The following MRPL3 variants were observed in gnomAD, a reference collection of about 807,000 sequenced individuals.
MRPL3 encodes the protein large ribosomal subunit protein uL3m.
A neutral mutation model predicts 44.3 loss-of-function variants in MRPL3; 43 were observed. That is an observed-to-expected ratio of 0.97 (90% CI 0.76 to 1.25). The LOEUF (loss-of-function observed/expected upper bound fraction) is 1.25, where lower values mean the gene tolerates loss of function less well. Ranked by LOEUF, MRPL3 falls within the 50% of genes most tolerant of loss-of-function variation. The pLI is 0.00. For synonymous variants in MRPL3, 171 were observed against 152.3 expected (o/e 1.12, Z -0.91); for missense variants, 406 against 427.6 (o/e 0.95, Z 0.45).
intron 4 of MRPL3, among the ~76,000 whole-genome samples, chr3:131,490,860 G>GCACCT (rs1934240289): frequency 1.3e-5 from 2 of 152,232 alleles, no homozygotes; most frequent in South Asian, 2.1e-4. Context: ...TAATTTTCAA[G>GCACCT]CACCTCACAT....
intron 4 of MRPL3, among the ~76,000 whole-genome samples, chr3:131,494,614 A>G (rs998252538): frequency 1.3e-5 from 2 of 152,192 alleles, no homozygotes; most frequent in Non-Finnish European, 2.9e-5. Context: ...CATCCTAAGT[A>G]ACTTTTTAGA....
chr3:131,486,062 C>T (rs936827379), intron 6 of MRPL3, among the ~76,000 whole-genome samples: 1 of 152,038 alleles, frequency 6.6e-6, no homozygotes, highest in African/African-American at 2.4e-5. Context: ...ACAAACTTGA[C>T]AACAACAAGA....
intron 4 of MRPL3, among the ~76,000 whole-genome samples, chr3:131,493,424 C>A (rs1287503410): frequency 6.6e-6 from 1 of 152,196 alleles, no homozygotes; most frequent in African/African-American, 2.4e-5. Context: ...CTGTCCATAT[C>A]ACCATACACT....
In MRPL3 at chr3:131,502,966, C is replaced by T. The variant is rs1245198022; in HGVS notation, c.-145G>A. ...GCCGGAACGGTCGCCGGCCGATGCT[C>T]TCTGCGACGGAAAGAAAGCCGCCGG... is the stretch of plus-strand genomic sequence containing the variant. On this transcript the variant is annotated 5_prime_UTR_variant, in exon 1 of 10. Coordinates refer to ENST00000264995, the MANE Select transcript of MRPL3 (RefSeq NM_007208.4). The T allele has an allele frequency of 3.9e-6, 3 of 771,138 alleles. No homozygotes were observed. In the East Asian group the frequency reaches 8.2e-5, roughly 21 times the overall value. The allele number at this position is 771,138 out of a possible 1,614,324, so 47.8% of individuals were successfully genotyped here.
At chr3:131,497,353 T>C (rs543541680) in intron 4 of MRPL3, among the ~76,000 whole-genome samples, 14 of 152,326 alleles carry the variant, frequency 9.2e-5, no homozygotes, top group African/African-American at 3.4e-4. Context: ...TAATAAATGT[T>C]CAATAAAAGT....
intron 8 of MRPL3, among the ~76,000 whole-genome samples, chr3:131,469,243 C>T (rs1401873893): frequency 1.3e-5 from 2 of 150,908 alleles, no homozygotes; most frequent in Non-Finnish European, 3.0e-5. Flanking sequence ...CGCACACACA[C>T]ACACACACAT....
chr3:131,469,008 A>C (rs958837073), intron 8 of MRPL3, among the ~76,000 whole-genome samples: 3 of 152,048 alleles, frequency 2.0e-5, no homozygotes, highest in African/African-American at 7.2e-5. Flanking sequence ...ACAAATATAA[A>C]CATTAGTTGT....
chr3:131,500,369 G>A, intron 3 of MRPL3, 61 bp downstream of exon 3: 1 of 1,351,380 alleles, frequency 7.4e-7, no homozygotes, highest in South Asian at 1.2e-5. Context: ...TCTTGTTAAG[G>A]TTTGCACAAA....
intron 4 of MRPL3, among the ~76,000 whole-genome samples, chr3:131,497,001 C>G (rs987339138): frequency 6.6e-6 from 1 of 152,330 alleles, no homozygotes; most frequent in Non-Finnish European, 1.5e-5. Flanking sequence ...CTGCAGAGGC[C>G]ATTCTCTCTG....
At chr3:131,482,408 G>A (rs946654096) in intron 6 of MRPL3, among the ~76,000 whole-genome samples, 3 of 151,972 alleles carry the variant, frequency 2.0e-5, no homozygotes, top group East Asian at 1.9e-4. Context: ...CCAGCTACTC[G>A]GGAGGCTGAG....
Position 131,462,738 on chromosome 3 carries a change from A to C in MRPL3, c.1032T>G (p.Ser344=), listed in dbSNP as rs1432096939. Residue 344 remains serine (S), a synonymous_variant, in exon 10 of 10, where the codon TCT becomes TCG. Coordinates refer to ENST00000264995, the MANE Select transcript of MRPL3 (RefSeq NM_007208.4). Reference sequence around the variant, plus strand: ...TCCAAAGATGTTAGGCAAATGTAATAGAAGGCGCACCGGGCTGACACACGT... The same window carrying C: ...TCCAAAGATGTTAGGCAAATGTAATCGAAGGCGCACCGGGCTGACACACGT... ...DENVCQPGAP[S]ITFA is the part of the protein sequence containing the mutation. 1.9e-6 allele frequency: 3 copies of C among 1,611,358 alleles called. No homozygotes were observed. Among genetic ancestry groups the C allele is most frequent in the Non-Finnish European group, 2.5e-6 (3 of 1,178,466 alleles).
At chr3:131,468,920 T>A (rs1933679991) in intron 8 of MRPL3, among the ~76,000 whole-genome samples, 1 of 152,044 alleles carries the variant, frequency 6.6e-6, no homozygotes, top group Admixed American at 6.6e-5. Context: ...ATGTTTCCAG[T>A]GATTGTCTTT....
rs548306403 is a variant in MRPL3, at chr3:131,502,879, A to G, written c.-58T>C. 2.9e-5 allele frequency: 44 copies of G among 1,518,928 alleles called. No individual in the cohort carries two copies. The African/African-American group carries it at 4.0e-4, about 14-fold the overall frequency. The allele number at this position is 1,518,928 out of a possible 1,614,324, so 94.1% of individuals were successfully genotyped here. ...CCGGGCGCCCTGCCGCTCTGCTTTC[A>G]GGGAGTCCCCACGCCACCGCCACGT... On this transcript the variant is annotated 5_prime_UTR_variant, in exon 1 of 10. Transcript: ENST00000264995.
At chr3:131,499,400 C>T (rs1411676736) in intron 3 of MRPL3, among the ~76,000 whole-genome samples, 3 of 152,162 alleles carry the variant, frequency 2.0e-5, no homozygotes, top group African/African-American at 7.2e-5. Flanking sequence ...CAGGCTAACT[C>T]GTCTTAATTT....
intron 4 of MRPL3, among the ~76,000 whole-genome samples, chr3:131,493,304 T>C (rs748955938): frequency 8.5e-5 from 13 of 152,206 alleles, no homozygotes; most frequent in Non-Finnish European, 1.9e-4. Flanking sequence ...TACATGTCTC[T>C]AGTACTAAAT....
chr3:131,490,760 C>A (rs1005309057), intron 4 of MRPL3, among the ~76,000 whole-genome samples: 5 of 152,218 alleles, frequency 3.3e-5, no homozygotes, highest in Non-Finnish European at 7.3e-5. Context: ...ACATGAGATG[C>A]ACATGGAGAG....
chr3:131,489,590 T>C (rs1432993853), intron 5 of MRPL3, among the ~76,000 whole-genome samples: 1 of 152,106 alleles, frequency 6.6e-6, no homozygotes, highest in African/African-American at 2.4e-5. Flanking sequence ...ATCTTTACAT[T>C]GAGGTGCTAT....
chr3:131,469,056 T>C (rs1933682658), intron 8 of MRPL3, among the ~76,000 whole-genome samples: 1 of 152,148 alleles, frequency 6.6e-6, no homozygotes, highest in Admixed American at 6.6e-5. Context: ...CATTATAGTA[T>C]AACTCAGTTT....
In MRPL3 at chr3:131,479,075, A is replaced by G. The variant is rs79832009; in HGVS notation, c.630-7796T>C. The G allele has an allele frequency of 1.5e-3, 722 of 494,226 alleles. 4 individuals are homozygous for G. Among genetic ancestry groups the G allele is most frequent in the African/African-American group, 0.013 (662 of 50,440 alleles). The allele number at this position is 494,226 out of a possible 1,614,324, so 30.6% of individuals were successfully genotyped here. On this transcript the variant is annotated intron_variant, in intron 6 of 9. Coordinates refer to ENST00000264995, the MANE Select transcript of MRPL3 (RefSeq NM_007208.4). ...TTCAATTAGAACCATTTCCAAATTA[A>G]GTTTTCTTTTTTTCTTCAGGGAAAT...
Sources: allele counts gnomAD v4.1 joint callset (sites outside exome capture counted in the v4.1 genomes callset), GRCh38; gene constraint gnomAD v4.1.1; transcripts MANE v1.5; gene names NCBI Gene and HGNC (gene_info 2026-07-23, HGNC 2026-07-21).